The following RBFOX1 variants were observed in gnomAD, a reference collection of about 807,000 sequenced individuals.
The protein encoded by RBFOX1 is RNA binding protein fox-1 homolog 1.
In RBFOX1, 8 loss-of-function variants were observed where a neutral mutation model predicts 57.7. The ratio of observed to expected loss-of-function variants is 0.14; its 90% CI spans 0.08 to 0.25. The LOEUF is 0.25. Among genes scored for constraint, RBFOX1 ranks in the 10% least tolerant of loss-of-function variants. RBFOX1 has a pLI of 1.00. For missense variants in RBFOX1, 611 were observed against 548.5 expected (o/e 1.11, Z -1.14); for synonymous variants, 326 against 222.4 (o/e 1.47, Z -4.15).
intron 4 of RBFOX1, among the ~76,000 whole-genome samples, chr16:7,144,582 G>T (rs188880720): frequency 1.3e-5 from 2 of 151,762 alleles, no homozygotes; most frequent in South Asian, 4.2e-4. Context: ...GAGCTACTGC[G>T]CCTGAATCTA....
rs139836100 is a variant in RBFOX1 at position 5,587,444 on chromosome 16, C to T, written c.259-11458C>T. Reference sequence around the variant, plus strand: ...GTCAGATAATTGGGCCTGGTGCGGTCGCTCACGCCTGTCATCCCAGCACTT... The same window carrying T: ...GTCAGATAATTGGGCCTGGTGCGGTTGCTCACGCCTGTCATCCCAGCACTT... On this transcript the variant is annotated intron_variant, in intron 2 of 2. Coordinates refer to the RBFOX1 transcript ENST00000585867. Among the ~76,000 whole-genome samples, 418 of 152,296 alleles carry T rather than the reference C, an allele frequency of 2.7e-3. 1 individual carries two copies. The highest frequency in any genetic ancestry group is 4.8e-3 in the Non-Finnish European group (326 of 68,016).
intron 5 of RBFOX1, among the ~76,000 whole-genome samples, chr16:7,534,983 G>T (rs1442253268): frequency 6.6e-6 from 1 of 152,142 alleles, no homozygotes; most frequent in African/African-American, 2.4e-5. Flanking sequence ...TAGACACGAG[G>T]TAATTACAGC....
chr16:6,915,403 A>T (rs780483173), intron 3 of RBFOX1, among the ~76,000 whole-genome samples: 1 of 152,204 alleles, frequency 6.6e-6, no homozygotes, highest in Non-Finnish European at 1.5e-5. Flanking sequence ...TCACTTCTGA[A>T]CTGTTTAATA....
intron 3 of RBFOX1, among the ~76,000 whole-genome samples, chr16:6,804,011 A>G (rs896120273): frequency 2.0e-5 from 3 of 147,212 alleles, no homozygotes; most frequent in Admixed American, 6.8e-5. Flanking sequence ...AACTCATACA[A>G]TTTTTTTTTT....
At chr16:5,322,644 C>T (rs931325632) in intron 1 of RBFOX1, among the ~76,000 whole-genome samples, 1 of 152,148 alleles carries the variant, frequency 6.6e-6, no homozygotes, top group Non-Finnish European at 1.5e-5. Flanking sequence ...CCAGTCTTCC[C>T]CATCCTTCAA....
intron 13 of RBFOX1, among the ~76,000 whole-genome samples, chr16:7,672,751 C>T (rs985129667): frequency 1.3e-5 from 2 of 151,274 alleles, no homozygotes; most frequent in African/African-American, 2.4e-5. Flanking sequence ...CCTGCAGTCC[C>T]AGCTACTCGG....
intron 4 of RBFOX1, among the ~76,000 whole-genome samples, chr16:7,190,689 C>G (rs1422666087): frequency 1.3e-5 from 2 of 151,336 alleles, no homozygotes; most frequent in African/African-American, 4.9e-5. Flanking sequence ...GAAATCAGTG[C>G]CATTCCATCA....
intron 2 of RBFOX1, among the ~76,000 whole-genome samples, chr16:5,594,182 G>T (rs865835255): frequency 3.3e-5 from 5 of 152,138 alleles, no homozygotes; most frequent in African/African-American, 9.7e-5. Flanking sequence ...CCATGGTCTT[G>T]GCCTTCTGTT....
chr16:6,625,799 A>G (rs937809937), intron 2 of RBFOX1, among the ~76,000 whole-genome samples: 2 of 152,242 alleles, frequency 1.3e-5, no homozygotes, highest in Non-Finnish European at 2.9e-5. Context: ...TAGAAGGAGA[A>G]TGATGATTAT....
intron 14 of RBFOX1, among the ~76,000 whole-genome samples, chr16:7,704,500 C>T (rs941460962): frequency 6.6e-6 from 1 of 152,146 alleles, no homozygotes; most frequent in Non-Finnish European, 1.5e-5. Flanking sequence ...TGAATGGGAT[C>T]ATAATTACAG....
chr16:5,369,802 G>A lies in RBFOX1; in HGVS notation c.220-97414G>A, dbSNP rs541372545. ...AGGAAAGCAGGCCCTGCTTCTAGAC[G>A]CTATCATTTAAAATAATGAAATATA... is the stretch of plus-strand genomic sequence containing the variant. On this transcript the variant is annotated intron_variant, in intron 1 of 2. Coordinates refer to the RBFOX1 transcript ENST00000585867. Among the ~76,000 whole-genome samples the A allele has an allele frequency of 5.3e-5, 8 of 152,202 alleles. No individual in the cohort carries two copies. In the South Asian group the frequency reaches 1.2e-3, roughly 24 times the overall value.
At chr16:7,385,041 C>G (rs1463191711) in intron 4 of RBFOX1, among the ~76,000 whole-genome samples, 2 of 152,116 alleles carry the variant, frequency 1.3e-5, no homozygotes, top group African/African-American at 4.8e-5. Flanking sequence ...GGAAAATACC[C>G]TAAGAGGAGA....
chr16:6,850,307 C>G (rs11649041), intron 3 of RBFOX1, among the ~76,000 whole-genome samples: 1 of 151,928 alleles, frequency 6.6e-6, no homozygotes, highest in South Asian at 2.1e-4. Context: ...TTGACAGGTA[C>G]GATGAAAGAA....
At chr16:6,117,379 A>G (rs2096508062) in intron 1 of RBFOX1, among the ~76,000 whole-genome samples, 1 of 152,242 alleles carries the variant, frequency 6.6e-6, no homozygotes, top group African/African-American at 2.4e-5. Context: ...ATCAGAACTA[A>G]TAACAATTAT....
chr16:7,303,876 C>T (rs2096097377), intron 4 of RBFOX1, among the ~76,000 whole-genome samples: 2 of 151,534 alleles, frequency 1.3e-5, no homozygotes. Flanking sequence ...CTATCCTTGC[C>T]CCCCTCCCAT....
At chr16:7,400,400 CA>C (rs2098221283) in intron 4 of RBFOX1, among the ~76,000 whole-genome samples, 2 of 152,168 alleles carry the variant, frequency 1.3e-5, no homozygotes, top group Non-Finnish European at 2.9e-5. Flanking sequence ...CAGACATATT[CA>C]GATCATCTCT....
chr16:7,281,554 A>C (rs1451172241), intron 4 of RBFOX1, among the ~76,000 whole-genome samples: 4 of 152,132 alleles, frequency 2.6e-5, no homozygotes, highest in Admixed American at 2.6e-4. Context: ...GTTAACTACT[A>C]TTCTTATTAG....
chr16:5,456,163 C>G (rs2068625792), intron 1 of RBFOX1, among the ~76,000 whole-genome samples: 1 of 151,718 alleles, frequency 6.6e-6, no homozygotes, highest in South Asian at 2.1e-4. Flanking sequence ...AGTCAAAAAA[C>G]TTACAATACC....
chr16:6,734,217 C>G (rs549575431), intron 3 of RBFOX1, among the ~76,000 whole-genome samples: 1 of 152,272 alleles, frequency 6.6e-6, no homozygotes, highest in East Asian at 1.9e-4. Context: ...TGTATGATGT[C>G]TGACCCCTCT....
Sources: gnomAD v4.1 joint callset for allele counts (sites outside exome capture counted in the v4.1 genomes callset) on GRCh38, gnomAD v4.1.1 for gene constraint, MANE v1.5 for transcripts, NCBI Gene and HGNC (gene_info 2026-07-23, HGNC 2026-07-21) for gene names.